The following FLNB variants were observed in gnomAD, a reference collection of about 807,000 sequenced individuals.
FLNB encodes filamin B, also known as filamin-B.
In FLNB, 111 loss-of-function variants were observed where a neutral mutation model predicts 250.6. That is an observed-to-expected ratio of 0.44 (90% confidence interval 0.38 to 0.52). The LOEUF (loss-of-function observed/expected upper bound fraction) is 0.52, where lower values mean the gene tolerates loss of function less well. FLNB is among the 20% of genes least tolerant of loss of function. The probability of loss-of-function intolerance (pLI) is 0.00; values close to 1 mark genes in which losing one functional copy is unlikely to be tolerated. For synonymous variants in FLNB, 1,302 were observed against 1,372.1 expected (o/e 0.95, Z 1.13); for missense variants, 2,869 against 3,447.8 (o/e 0.83, Z 4.20).
chr3:58,127,056 C>G lies in FLNB; in HGVS notation c.4222+294C>G, dbSNP rs370763086. The stretch of plus-strand genomic sequence containing the variant: ...TTTACAAAGTTGAAAATCACAGTGG[C>G]TCACACCTGTAATCCCCAAACTTTG... On this transcript the variant is annotated intron_variant, in intron 24 of 45. Transcript: ENST00000295956. 7.7e-4 allele frequency among the ~76,000 whole-genome samples: 117 copies of G among 152,300 alleles called. 2 individuals carry two copies. In the South Asian group the frequency reaches 0.024, roughly 31 times the overall value.
rs760990969 is a variant in FLNB at position 58,163,342 on chromosome 3, T to C, written c.7198+12T>C. On this transcript the variant is annotated intron_variant, in intron 43 of 45. Transcript: ENST00000295956. ...AGGGGGCACCACAGGTAACCCACTC[T>C]TCTGCTTCTTGAAGCCTTAACTGAA... 1.2e-6 allele frequency: 2 copies of C among 1,613,686 alleles called. No individual in the cohort carries two copies. Among genetic ancestry groups the C allele is most frequent in the Non-Finnish European group, 1.7e-6 (2 of 1,179,718 alleles).
At chr3:58,152,826 G>A (rs765374417) in intron 38 of FLNB, 37 of 1,026,044 alleles carry the variant, frequency 3.6e-5, no homozygotes, top group Non-Finnish European at 4.5e-5. Context: ...GCCTCACCAC[G>A]GCAGTGCAGG....
chr3:58,152,646 A>C, intron 38 of FLNB: 1 of 722,316 alleles, frequency 1.4e-6, no homozygotes, highest in Non-Finnish European at 2.0e-6. Flanking sequence ...GAGGGACACA[A>C]ACATTCAGTT....
intron 2 of FLNB, 50 bp from the exon 3 acceptor site, chr3:58,078,667 A>T: frequency 6.4e-7 from 1 of 1,564,942 alleles, no homozygotes. Flanking sequence ...GTTTCCTTTA[A>T]TCTCTTTGGT....
intron 4 of FLNB, among the ~76,000 whole-genome samples, chr3:58,085,240 T>C (rs1255276649): frequency 1.3e-5 from 2 of 150,246 alleles, no homozygotes; most frequent in Non-Finnish European, 2.9e-5. Flanking sequence ...ATGCAGCTTA[T>C]TTTTCAGGAG....
chr3:58,099,692 T>C (rs1305621249), intron 8 of FLNB, among the ~76,000 whole-genome samples: 1 of 152,198 alleles, frequency 6.6e-6, no homozygotes, highest in Admixed American at 6.5e-5. Flanking sequence ...CCTGAAGCTG[T>C]TGGCTTCCTA....
intron 1 of FLNB, among the ~76,000 whole-genome samples, chr3:58,061,935 A>G (rs1272257323): frequency 1.3e-5 from 2 of 151,792 alleles, no homozygotes; most frequent in African/African-American, 4.8e-5. Flanking sequence ...CTAGAAAAAC[A>G]CAAAAATTAG....
chr3:58,059,055 C>T (rs1247310944), intron 1 of FLNB, among the ~76,000 whole-genome samples: 10 of 152,132 alleles, frequency 6.6e-5, no homozygotes, highest in Admixed American at 5.2e-4. Context: ...TGTCAATGTA[C>T]GTTGGCATGT....
Position 58,148,729 on chromosome 3 carries a change from G to T in FLNB, c.5968G>T (p.Val1990Leu). Residue 1990 changes from valine to leucine, a missense_variant, in exon 36 of 46, where the codon GTG becomes TTG. This residue lies in a region of FLNB where 1,084 missense variants were observed against 1,315.5 expected (regional missense o/e 0.82). Transcript: ENST00000295956. ...KNGNHVANSP[V>L]SIMVVQSEIG... ...TGGCAACCATGTGGCCAACAGCCCCGTGTCTATCATGGTGGTCCAGTCGGA... is the reference window on the plus strand; with the variant it reads ...TGGCAACCATGTGGCCAACAGCCCCTTGTCTATCATGGTGGTCCAGTCGGA... 1 of 1,614,076 alleles carries T rather than the reference G, an allele frequency of 6.2e-7. No individual in the cohort carries two copies. The highest frequency in any genetic ancestry group is 8.5e-7 in the Non-Finnish European group (1 of 1,180,012).
Position 58,079,255 on chromosome 3 carries a change from A to T in FLNB, c.639+441A>T, listed in dbSNP as rs989007514. Reference sequence around the variant, plus strand: ...CTTAAGAAAAGTCACAGGACTTAAAATTTTTTTTTTTTTTTGAGATGGAGT... The same window carrying T: ...CTTAAGAAAAGTCACAGGACTTAAATTTTTTTTTTTTTTTTGAGATGGAGT... On this transcript the variant is annotated intron_variant, in intron 3 of 45. Transcript: ENST00000295956. Among the ~76,000 whole-genome samples, 111 of 146,306 alleles carry T rather than the reference A, an allele frequency of 7.6e-4. 1 individual carries two copies. The highest frequency in any genetic ancestry group is 2.3e-3 in the African/African-American group (90 of 39,642).
intron 16 of FLNB, among the ~76,000 whole-genome samples, chr3:58,111,273 A>G (rs187570884): frequency 6.6e-6 from 1 of 152,342 alleles, no homozygotes; most frequent in Admixed American, 6.5e-5. Flanking sequence ...TTACATAAAA[A>G]TGGAAATCTT....
intron 18 of FLNB, among the ~76,000 whole-genome samples, chr3:58,113,803 C>T (rs977542746): frequency 4.1e-4 from 63 of 152,222 alleles, no homozygotes; most frequent in African/African-American, 1.4e-3. Context: ...CTCAGCCTCC[C>T]GAGCAGGTGG....
rs889001728 is a variant in FLNB at position 58,134,521 on chromosome 3, T to A, written c.4515-95T>A. On this transcript the variant is annotated intron_variant, in intron 26 of 45. Coordinates refer to ENST00000295956, the MANE Select transcript of FLNB (RefSeq NM_001457.4). ...TGTCTTATCTGCTGTAGAAATCCCC[T>A]TTTCCATCCCACTCTTATGTGTAAG... 20 of 1,450,628 alleles carry A rather than the reference T, an allele frequency of 1.4e-5. No individual in the cohort carries two copies. In the African/African-American group the frequency reaches 1.4e-4, roughly 10 times the overall value. 89.9% of individuals were successfully genotyped at this position (1,450,628 alleles called of 1,614,324 possible). A position where few individuals can be genotyped will look rare whatever the true frequency, so the allele number is the denominator to read the frequency against.
chr3:58,127,357 T>C (rs1232708446), intron 24 of FLNB, among the ~76,000 whole-genome samples: 1 of 152,068 alleles, frequency 6.6e-6, no homozygotes, highest in Non-Finnish European at 1.5e-5. Context: ...GAAAGAAAAT[T>C]TCTACCTTAT....
rs184329174 is a variant in FLNB at position 58,154,884 on chromosome 3, A to G, written c.6728A>G (p.His2243Arg). 48 of 1,614,138 alleles carry G rather than the reference A, an allele frequency of 3.0e-5. No individual in the cohort carries two copies. In the East Asian group the frequency reaches 1.0e-3, roughly 35 times the overall value. ...PSKAEITFDD[H>R]KNGSCGVSYI... ...AAGGCCGAGATTACATTCGATGACCATAAAAATGGGTCGTGCGGTGTATCT... is the reference window on the plus strand; with the variant it reads ...AAGGCCGAGATTACATTCGATGACCGTAAAAATGGGTCGTGCGGTGTATCT... Residue 2243 changes from histidine (H) to arginine (R), a missense_variant, in exon 40 of 46, where the codon CAT (histidine) becomes CGT (arginine). Transcript: ENST00000295956.
chr3:58,125,867 G>T lies in FLNB; in HGVS notation c.4061+124G>T, dbSNP rs928181318. ...ATTTTTATAACATGTATTTCCTTCT[G>T]TAGAGACTTATGTTACATAGAAAGA... On this transcript the variant is annotated intron_variant, in intron 23 of 45. Coordinates refer to ENST00000295956, the MANE Select transcript of FLNB (RefSeq NM_001457.4). 5 of 930,896 alleles carry T rather than the reference G, an allele frequency of 5.4e-6. No homozygotes were observed. In the South Asian group the frequency reaches 7.4e-5, roughly 14 times the overall value. The allele number at this position is 930,896 out of a possible 1,614,324, so 57.7% of individuals were successfully genotyped here. A position where few individuals can be genotyped will look rare whatever the true frequency, so the allele number is the denominator to read the frequency against.
At chr3:58,036,446 G>A (rs1379900516) in intron 1 of FLNB, among the ~76,000 whole-genome samples, 1 of 152,172 alleles carries the variant, frequency 6.6e-6, no homozygotes, top group Non-Finnish European at 1.5e-5. Flanking sequence ...GAGTCACAGG[G>A]GGTCGAAGTG....
At chr3:58,124,236 C>T in intron 21 of FLNB, 96 bp from the exon 22 acceptor site, 12 of 1,267,402 alleles carry the variant, frequency 9.5e-6, no homozygotes, top group Non-Finnish European at 1.3e-5. Context: ...TGAAATTGGA[C>T]TTCATGTGTC....
intron 1 of FLNB, among the ~76,000 whole-genome samples, chr3:58,070,667 T>C (rs1232842038): frequency 6.6e-6 from 1 of 151,238 alleles, no homozygotes; most frequent in Non-Finnish European, 1.5e-5. Flanking sequence ...TCTCTTTTTT[T>C]TTTTTTTTTT....
Sources: allele counts gnomAD v4.1 joint callset (sites outside exome capture counted in the v4.1 genomes callset), GRCh38; gene constraint gnomAD v4.1.1; regional missense constraint gnomAD v4.1.1; transcripts MANE v1.5; gene names NCBI Gene and HGNC (gene_info 2026-07-23, HGNC 2026-07-21).